Variants in KMT2E observed in about 807,000 individuals in gnomAD.
The protein encoded by KMT2E is histone reader KMT2E.
In KMT2E, 30 loss-of-function variants were observed where a neutral mutation model predicts 184.6. The ratio of observed to expected loss-of-function variants is 0.16; its 90% confidence interval spans 0.12 to 0.22. The LOEUF (loss-of-function observed/expected upper bound fraction) is 0.22, where lower values mean the gene tolerates loss of function less well. Ranked by LOEUF, KMT2E falls within the 10% of genes least tolerant of loss-of-function variation. KMT2E has a pLI of 1.00. For synonymous variants in KMT2E, 815 were observed against 776.5 expected (o/e 1.05, Z -0.82); for missense variants, 2,023 against 2,237.4 (o/e 0.90, Z 1.93).
chr7:105,083,891 A>C (rs1797859274), intron 13 of KMT2E, among the ~76,000 whole-genome samples: 1 of 152,094 alleles, frequency 6.6e-6, no homozygotes. Context: ...CAAACCATAC[A>C]TTACTGGCAT....
chr7:105,058,036 T>G (rs1257795387), intron 3 of KMT2E, among the ~76,000 whole-genome samples: 1 of 152,156 alleles, frequency 6.6e-6, no homozygotes, highest in Non-Finnish European at 1.5e-5. Flanking sequence ...CTTTTAAAAT[T>G]TGTTTTCCTT....
intron 15 of KMT2E, among the ~76,000 whole-genome samples, chr7:105,097,545 C>G (rs1267799268): frequency 2.6e-5 from 4 of 152,060 alleles, no homozygotes; most frequent in African/African-American, 7.2e-5. Flanking sequence ...ACCACCACGC[C>G]TGGCTAATTT....
At chr7:105,029,758 A>G (rs1261916066) in intron 1 of KMT2E, among the ~76,000 whole-genome samples, 1 of 152,132 alleles carries the variant, frequency 6.6e-6, no homozygotes, top group African/African-American at 2.4e-5. Flanking sequence ...AAGTGATGGC[A>G]GATATAGATA....
At chr7:105,080,986 G>A (rs1797741388) in intron 12 of KMT2E, among the ~76,000 whole-genome samples, 1 of 152,136 alleles carries the variant, frequency 6.6e-6, no homozygotes, top group Non-Finnish European at 1.5e-5. Context: ...CTGGATGGCA[G>A]AGTGAGACTC....
At chr7:105,072,718 C>G (rs1356198219) in intron 6 of KMT2E, among the ~76,000 whole-genome samples, 4 of 151,988 alleles carry the variant, frequency 2.6e-5, no homozygotes, top group Admixed American at 2.6e-4. Context: ...GAGTTTGAGA[C>G]CAGCCTGACC....
Position 105,112,869 on chromosome 7 carries a change from G to GCACAA in KMT2E, c.5117_5121dup (p.Gln1708AsnfsTer6). 7.4e-7 allele frequency: 1 copy of GCACAA among 1,351,038 alleles called. No homozygotes were observed. The highest frequency in any genetic ancestry group is 9.8e-7 in the Non-Finnish European group (1 of 1,020,828). 83.7% of individuals were successfully genotyped at this position (1,351,038 alleles called of 1,614,324 possible). On this transcript the variant is annotated frameshift_variant, in exon 27 of 27. Transcript: ENST00000311117. LOFTEE classifies it high-confidence loss of function. ...ATCCACAGGACTCCAAGGTCTACAA[G>GCACAA]CACAACACCAGCATGTTGTAAATTC...
chr7:105,108,277 AC>A (rs1799000120), intron 22 of KMT2E, among the ~76,000 whole-genome samples: 1 of 152,160 alleles, frequency 6.6e-6, no homozygotes, highest in South Asian at 2.1e-4. Flanking sequence ...TTGAGCAAGC[AC>A]CCTTGTATAG....
Position 105,112,337 on chromosome 7 carries a change from T to G in KMT2E, c.4581T>G (p.Ser1527=), listed in dbSNP as rs1432878445. Residue 1527 remains serine (S), a synonymous_variant, in exon 27 of 27, where the codon TCT becomes TCG. Coordinates refer to ENST00000311117, the MANE Select transcript of KMT2E (RefSeq NM_182931.3). ...TTACACAGACACCCTCAGGACAATC[T>G]TCAGCAACATACAGTCAGTTTAACC... is the stretch of plus-strand genomic sequence containing the variant. The part of the protein sequence containing the change: ...TLFTQTPSGQ[S]SATYSQFNQQ... 2.5e-6 allele frequency: 4 copies of G among 1,613,506 alleles called. No individual in the cohort carries two copies. Among genetic ancestry groups the G allele is most frequent in the East Asian group, 4.5e-5 (2 of 44,880 alleles).
intron 15 of KMT2E, among the ~76,000 whole-genome samples, chr7:105,096,593 A>G (rs968712401): frequency 7.3e-5 from 11 of 150,462 alleles, no homozygotes; most frequent in African/African-American, 2.7e-4. Context: ...CATAAACTTC[A>G]TGAGGGAAAA....
In KMT2E at chr7:105,046,955, T is replaced by TG. The variant is rs142977228; in HGVS notation, c.71+5933dup. Among the ~76,000 whole-genome samples, 51 of 152,336 alleles carry TG rather than the reference T, an allele frequency of 3.3e-4. No individual in the cohort carries two copies. In the East Asian group the frequency reaches 9.6e-3, roughly 29 times the overall value. ...GGACTCACAGGATCCAGAATGTAGT[T>TG]GTACTTATGGCTAAGATTTATTACA... On this transcript the variant is annotated intron_variant, in intron 3 of 26. Transcript: ENST00000311117.
intron 13 of KMT2E, among the ~76,000 whole-genome samples, chr7:105,087,299 A>G (rs1295514659): frequency 6.8e-6 from 1 of 147,484 alleles, no homozygotes; most frequent in African/African-American, 2.5e-5. Context: ...AATATATATA[A>G]TATATAAATA....
At chr7:105,065,092 T>C (rs1796975207) in intron 5 of KMT2E, among the ~76,000 whole-genome samples, 1 of 152,150 alleles carries the variant, frequency 6.6e-6, no homozygotes, top group Non-Finnish European at 1.5e-5. Flanking sequence ...TCTCAGAGAG[T>C]ACTTTTTGTT....
At chr7:105,082,308 C>T (rs1196850182) in intron 13 of KMT2E, among the ~76,000 whole-genome samples, 2 of 152,110 alleles carry the variant, frequency 1.3e-5, no homozygotes, top group African/African-American at 4.8e-5. Flanking sequence ...TTGCACAATG[C>T]GGGGTTGGAG....
intron 1 of KMT2E, among the ~76,000 whole-genome samples, chr7:105,017,917 T>G (rs1342825289): frequency 6.6e-6 from 1 of 152,176 alleles, no homozygotes; most frequent in Non-Finnish European, 1.5e-5. Flanking sequence ...CCTACAATTT[T>G]GGCTCGTCTG....
intron 6 of KMT2E, among the ~76,000 whole-genome samples, chr7:105,072,404 T>G (rs1465563876): frequency 6.6e-6 from 1 of 152,246 alleles, no homozygotes; most frequent in Non-Finnish European, 1.5e-5. Context: ...TATTCTGTGA[T>G]AGCTAGGATA....
intron 1 of KMT2E, among the ~76,000 whole-genome samples, chr7:105,019,272 T>C (rs927115398): frequency 6.6e-6 from 1 of 152,214 alleles, no homozygotes; most frequent in Admixed American, 6.5e-5. Flanking sequence ...GTTGGTCTTA[T>C]ATTTCACGAG....
intron 1 of KMT2E, among the ~76,000 whole-genome samples, chr7:105,016,704 A>T (rs1311834116): frequency 6.6e-6 from 1 of 152,216 alleles, no homozygotes. Context: ...CTGATTGTGG[A>T]GCAACGGAAA....
Position 105,106,604 on chromosome 7 carries a change from C to A in KMT2E, c.2679C>A (p.Ser893=), listed in dbSNP as rs747378591. 1 of 1,613,894 alleles carries A rather than the reference C, an allele frequency of 6.2e-7. No homozygotes were observed. Among genetic ancestry groups the A allele is most frequent in the Non-Finnish European group, 8.5e-7 (1 of 1,179,896 alleles). Residue 893 remains serine, a synonymous_variant, in exon 20 of 27, where the codon TCC becomes TCA. Coordinates refer to ENST00000311117, the MANE Select transcript of KMT2E (RefSeq NM_182931.3). Reference sequence around the variant, plus strand: ...CAGAAACCTCCACACCTACTCCTTCCCCGTATGCTACACCAACTCACACCG... The same window carrying A: ...CAGAAACCTCCACACCTACTCCTTCACCGTATGCTACACCAACTCACACCG... The part of the protein sequence containing the change: ...VYSETSTPTP[S]PYATPTHTDI...
Position 105,107,526 on chromosome 7 carries a change from T to A in KMT2E, c.3069T>A (p.Leu1023=). Residue 1023 remains leucine (L), a synonymous_variant, in exon 22 of 27, where the codon CTT becomes CTA. Transcript: ENST00000311117. ...CPGEKEPVSD[L]QLGLDAVEPT... Reference sequence around the variant, plus strand: ...GAGAAAAGGAACCTGTGTCAGACCTTCAGCTAGGACTCGATGCAGTTGAGC... The same window carrying A: ...GAGAAAAGGAACCTGTGTCAGACCTACAGCTAGGACTCGATGCAGTTGAGC... 1 of 1,614,116 alleles carries A rather than the reference T, an allele frequency of 6.2e-7. No individual in the cohort carries two copies. Among genetic ancestry groups the A allele is most frequent in the Non-Finnish European group, 8.5e-7 (1 of 1,180,000 alleles).
Sources: gnomAD v4.1 joint callset for allele counts (sites outside exome capture counted in the v4.1 genomes callset) on GRCh38, gnomAD v4.1.1 for gene constraint, MANE v1.5 for transcripts, NCBI Gene and HGNC (gene_info 2026-07-23, HGNC 2026-07-21) for gene names.